KCNIP4: variants seen among roughly 807,000 people sequenced by gnomAD.
KCNIP4 encodes potassium voltage-gated channel interacting protein 4.
Under a neutral mutation model 34.0 loss-of-function variants are expected in KCNIP4, and 12 were observed. The observed-to-expected ratio is 0.35, with a 90% CI of 0.23 to 0.57. The LOEUF is 0.57. Ranked by LOEUF, KCNIP4 falls within the 20% of genes least tolerant of loss-of-function variation. The pLI, the probability that KCNIP4 is intolerant of heterozygous loss-of-function variation, is 0.83. For missense variants in KCNIP4, 238 were observed against 311.7 expected, an observed-to-expected ratio of 0.76 and a Z score of 1.78; for synonymous variants, 124 against 102.2, an observed-to-expected ratio of 1.21 and a Z score of -1.29.
At chr4:20,792,022 C>T (rs1712816422) in intron 3 of KCNIP4, among the ~76,000 whole-genome samples, 1 of 152,188 alleles carries the variant, frequency 6.6e-6, no homozygotes, top group Admixed American at 6.6e-5. Context: ...TCTATATATA[C>T]ATCTATACAC....
intron 1 of KCNIP4, among the ~76,000 whole-genome samples, chr4:21,915,520 G>A (rs1011517082): frequency 6.6e-6 from 1 of 152,074 alleles, no homozygotes; most frequent in Admixed American, 6.5e-5. Flanking sequence ...AAATCCAGGA[G>A]GTCTTTCTCC....
chr4:21,145,445 A>C (rs543602129), intron 1 of KCNIP4, among the ~76,000 whole-genome samples: 2 of 152,342 alleles, frequency 1.3e-5, no homozygotes, highest in Non-Finnish European at 2.9e-5. Context: ...ACAAGGCTCC[A>C]CAGGTGAAAT....
chr4:21,440,820 A>G (rs1727406143), intron 1 of KCNIP4, among the ~76,000 whole-genome samples: 1 of 152,228 alleles, frequency 6.6e-6, no homozygotes, highest in Admixed American at 6.5e-5. Flanking sequence ...ACATAACTCA[A>G]TTGCATGACC....
intron 1 of KCNIP4, among the ~76,000 whole-genome samples, chr4:21,067,256 G>A (rs1744481262): frequency 6.6e-6 from 1 of 152,134 alleles, no homozygotes; most frequent in South Asian, 2.1e-4. Flanking sequence ...GTGGTAGCTA[G>A]GCAATACTTG....
chr4:21,331,493 A>G (rs1715633475), intron 1 of KCNIP4, among the ~76,000 whole-genome samples: 1 of 152,136 alleles, frequency 6.6e-6, no homozygotes, highest in Non-Finnish European at 1.5e-5. Context: ...ACAAGGAGTC[A>G]TCTATTTCCT....
Position 21,291,862 on chromosome 4 carries a change from AAAAAAAAAGAAAGAAAGAAAGAAAGAAAG to A in KCNIP4, c.62-409182_62-409154del, listed in dbSNP as rs1297639214. 6.0e-3 allele frequency among the ~76,000 whole-genome samples: 695 copies of A among 115,928 alleles called. 47 individuals carry two copies. Among genetic ancestry groups the A allele is most frequent in the Non-Finnish European group, 9.0e-3 (533 of 59,082 alleles). 76.1% of individuals were successfully genotyped at this position (115,928 alleles called of 152,430 possible). On this transcript the variant is annotated intron_variant, in intron 1 of 8. Transcript: ENST00000382152. ...GAGTTAGACTCCGCCTCAAAAAAAA[AAAAAAAAAGAAAGAAAGAAAGAAAGAAAG>A]AAAGAAAGAAAGAAAGAAAGAAAGA...
chr4:20,820,734 T>A (rs1241581094), intron 3 of KCNIP4, among the ~76,000 whole-genome samples: 1 of 152,032 alleles, frequency 6.6e-6, no homozygotes, highest in Non-Finnish European at 1.5e-5. Flanking sequence ...GCAGAATGGG[T>A]TCAAAGGATG....
In KCNIP4 at chr4:21,948,555, G is replaced by T. The variant is rs760477205; in HGVS notation, c.61+16C>A. The T allele has an allele frequency of 6.2e-7, 1 of 1,611,718 alleles. No homozygotes were observed. The highest frequency in any genetic ancestry group is 8.5e-7 in the Non-Finnish European group (1 of 1,179,022). ...GGCGGAAGCGGGCGCCCGCTCGCAA[G>T]CTTATTGCATCCTACCGCCTGTAGA... On this transcript the variant is annotated intron_variant, in intron 1 of 8. Transcript: ENST00000382152.
intron 3 of KCNIP4, among the ~76,000 whole-genome samples, chr4:20,801,947 AC>A (rs1460694340): frequency 1.3e-5 from 2 of 151,904 alleles, no homozygotes; most frequent in African/African-American, 2.4e-5. Context: ...CATAAAAGAC[AC>A]ATGTAACTAA....
chr4:21,196,809 G>A (rs940269077), intron 1 of KCNIP4, among the ~76,000 whole-genome samples: 5 of 152,134 alleles, frequency 3.3e-5, no homozygotes, highest in African/African-American at 9.7e-5. Context: ...TTAACATTGA[G>A]GTAGAAAATA....
intron 1 of KCNIP4, among the ~76,000 whole-genome samples, chr4:21,182,926 G>T (rs1754949806): frequency 6.6e-6 from 1 of 152,008 alleles, no homozygotes; most frequent in Non-Finnish European, 1.5e-5. Flanking sequence ...ATTAACTGTA[G>T]TCACATTGTT....
chr4:20,912,959 A>G (rs748751801), intron 1 of KCNIP4, among the ~76,000 whole-genome samples: 4 of 152,160 alleles, frequency 2.6e-5, no homozygotes, highest in Non-Finnish European at 5.9e-5. Flanking sequence ...CCTTTTTTGA[A>G]AACATTTTGG....
Position 20,743,570 on chromosome 4 carries a change from T to G in KCNIP4, c.429+6092A>C, listed in dbSNP as rs368858231. Among the ~76,000 whole-genome samples the G allele has an allele frequency of 2.6e-3, 401 of 152,230 alleles. 8 individuals carry two copies. The South Asian group carries it at 0.046, about 18-fold the overall frequency. Reference sequence around the variant, plus strand: ...GCTGGGAAAACTGGCTAGCCATATGTAGAAAGCTGAAACTGGATCCCTTCC... The same window carrying G: ...GCTGGGAAAACTGGCTAGCCATATGGAGAAAGCTGAAACTGGATCCCTTCC... On this transcript the variant is annotated intron_variant, in intron 5 of 8. Transcript: ENST00000382152.
chr4:20,818,411 A>G (rs909717411), intron 3 of KCNIP4, among the ~76,000 whole-genome samples: 3 of 152,164 alleles, frequency 2.0e-5, no homozygotes, highest in African/African-American at 7.2e-5. Flanking sequence ...TCCCACTCCA[A>G]CTTATCAGAA....
At chr4:21,759,411 T>C (rs998331667) in intron 1 of KCNIP4, among the ~76,000 whole-genome samples, 20 of 152,332 alleles carry the variant, frequency 1.3e-4, no homozygotes, top group African/African-American at 3.8e-4. Context: ...TTTGAACTTA[T>C]TGCCAAGTGA....
chr4:21,826,963 A>T (rs111339287), intron 1 of KCNIP4, among the ~76,000 whole-genome samples: 52 of 152,234 alleles, frequency 3.4e-4, no homozygotes, highest in African/African-American at 1.2e-3. Flanking sequence ...TTAAAAATAC[A>T]CACAGTTGAA....
At chr4:21,065,049 T>C (rs1447156609) in intron 1 of KCNIP4, among the ~76,000 whole-genome samples, 1 of 152,200 alleles carries the variant, frequency 6.6e-6, no homozygotes, top group Non-Finnish European at 1.5e-5. Flanking sequence ...TCCAAACATG[T>C]ACAAGTGTCC....
chr4:20,943,729 C>A (rs920057162), intron 1 of KCNIP4, among the ~76,000 whole-genome samples: 2 of 151,998 alleles, frequency 1.3e-5, no homozygotes, highest in African/African-American at 4.8e-5. Flanking sequence ...ACTGCAGGAC[C>A]AATGAGAAAC....
chr4:21,117,303 G>T (rs1301679775), intron 1 of KCNIP4, among the ~76,000 whole-genome samples: 1 of 24,960 alleles, frequency 4.0e-5, no homozygotes, highest in East Asian at 7.8e-4. Context: ...GGGTTGCCGG[G>T]GGGGGGGGGG....
Sources: gnomAD v4.1 joint callset for allele counts (sites outside exome capture counted in the v4.1 genomes callset) on GRCh38, gnomAD v4.1.1 for gene constraint, MANE v1.5 for transcripts, NCBI Gene and HGNC (gene_info 2026-07-23, HGNC 2026-07-21) for gene names.